The following IGFN1 variants were observed in gnomAD, a reference collection of about 807,000 sequenced individuals.
IGFN1 encodes the protein immunoglobulin-like and fibronectin type III domain-containing protein 1.
In IGFN1, 253 loss-of-function variants were observed where a neutral mutation model predicts 289.5. That is an observed-to-expected ratio of 0.87 (90% CI 0.79 to 0.97). The LOEUF (loss-of-function observed/expected upper bound fraction) is 0.97, where lower values mean the gene tolerates loss of function less well. IGFN1 is among the 50% of genes least tolerant of loss of function. The pLI is 0.00. For synonymous variants in IGFN1, 1,706 were observed against 1,788.5 expected, an observed-to-expected ratio of 0.95 and a Z score of 1.16; for missense variants, 4,470 against 4,686.1, an observed-to-expected ratio of 0.95 and a Z score of 1.35.
At chr1:201,204,591 G>A (rs2102330065) in intron 10 of IGFN1, among the ~76,000 whole-genome samples, 1 of 152,374 alleles carries the variant, frequency 6.6e-6, no homozygotes, top group South Asian at 2.1e-4. Context: ...TGGAAAGCCT[G>A]AAAACAGTGC....
At position 201,210,846 on chromosome 1, in the gene IGFN1, G is replaced by T; in HGVS notation, c.5953G>T (p.Gly1985Trp). 1 of 1,535,318 alleles carries T rather than the reference G, an allele frequency of 6.5e-7. No homozygotes were observed. Among genetic ancestry groups the T allele is most frequent in the Non-Finnish European group, 8.7e-7 (1 of 1,146,390 alleles). Residue 1985 changes from glycine to tryptophan, a missense_variant, in exon 12 of 24, where the codon GGG (glycine) becomes TGG (tryptophan). This residue lies in a region of IGFN1 where 108 missense variants were observed against 128.7 expected (regional missense o/e 0.84). Coordinates refer to ENST00000335211, the MANE Select transcript of IGFN1 (RefSeq NM_001164586.2). ...TAAGGAAGGTTTCAGGGATGGTTTA[G>T]GGGGTTCTGAGGAAATGGGGTCAAT... is the stretch of plus-strand genomic sequence containing the variant. ...GSKEGFRDGL[G>W]GSEEMGSMDE...
chr1:201,194,227 C>G lies in IGFN1; in HGVS notation c.81C>G (p.Ser27Arg), dbSNP rs1243151241. The G allele has an allele frequency of 6.4e-7, 1 of 1,551,622 alleles. No individual in the cohort carries two copies. The highest frequency in any genetic ancestry group is 2.0e-5 in the Admixed American group (1 of 51,012). ...TGGAGGAGATCCCTGAAGGCTGCAGCACGCCGGACTTTGAGCAGAAGCCCG... is the reference window on the plus strand; with the variant it reads ...TGGAGGAGATCCCTGAAGGCTGCAGGACGCCGGACTTTGAGCAGAAGCCCG... Reference protein sequence around the residue: ...QLVEEIPEGCSTPDFEQKPVT... With the variant: ...QLVEEIPEGCRTPDFEQKPVT... The change falls in exon 3 of 24, where the codon AGC (serine) becomes AGG (arginine). Residue 27 changes from serine to arginine, a missense_variant. By Grantham distance (110) the Ser-to-Arg change is moderately radical. This residue lies in a region of IGFN1 where 2,011 missense variants were observed against 1,953.4 expected (regional missense o/e 1.03). Coordinates refer to ENST00000335211, the MANE Select transcript of IGFN1 (RefSeq NM_001164586.2).
At position 201,225,883 on chromosome 1, in the gene IGFN1, G is replaced by A; in HGVS notation, c.10546G>A (p.Ala3516Thr). The part of the protein sequence containing the change: ...LQENVPGTVT[A>T]EWEPSPDEAQ... ...GGAGAACGTGCCTGGGACGGTGACGGCCGAGTGGGAACCCTCTCCTGACGA... is the reference window on the plus strand; with the variant it reads ...GGAGAACGTGCCTGGGACGGTGACGACCGAGTGGGAACCCTCTCCTGACGA... The change falls in exon 22 of 24, where the codon GCC becomes ACC. Residue 3516 changes from alanine to threonine, a missense_variant. Ala to Thr is a moderately conservative substitution (Grantham distance 58). Coordinates refer to ENST00000335211, the MANE Select transcript of IGFN1 (RefSeq NM_001164586.2). 6.2e-7 allele frequency: 1 copy of A among 1,612,926 alleles called. No individual in the cohort carries two copies. Among genetic ancestry groups the A allele is most frequent in the Non-Finnish European group, 8.5e-7 (1 of 1,179,650 alleles).
rs963275298 is a variant in IGFN1, at chr1:201,220,252, G to A, written c.9899-1192G>A. Among the ~76,000 whole-genome samples, 6 of 151,156 alleles carry A rather than the reference G, an allele frequency of 4.0e-5. No individual in the cohort carries two copies. In the East Asian group the frequency reaches 7.8e-4, roughly 20 times the overall value. On this transcript the variant is annotated intron_variant, in intron 18 of 23. Coordinates refer to ENST00000335211, the MANE Select transcript of IGFN1 (RefSeq NM_001164586.2). ...GGCTGGAATGCAGTGATGCAATCTC[G>A]GCTCACTGCAGCCTTGAACTCCTGG...
Position 201,211,942 on chromosome 1 carries a change from C to A in IGFN1, c.7049C>A (p.Thr2350Lys). ...YRGGSGGSGETGPEGKMGYGD... is the reference protein window; with the variant it reads ...YRGGSGGSGEKGPEGKMGYGD... The stretch of plus-strand genomic sequence containing the variant: ...GGAGGCTCAGGAGGATCTGGGGAAA[C>A]GGGACCAGAGGGTAAGATGGGTTAT... The change falls in exon 12 of 24, where the codon ACG (threonine) becomes AAG (lysine). Residue 2350 changes from threonine (T) to lysine (K), a missense_variant. By Grantham distance (78) the Thr-to-Lys change is moderately conservative. Coordinates refer to ENST00000335211, the MANE Select transcript of IGFN1 (RefSeq NM_001164586.2). The A allele has an allele frequency of 1.3e-6, 2 of 1,527,562 alleles. No homozygotes were observed. The highest frequency in any genetic ancestry group is 1.2e-5 in the South Asian group (1 of 82,396). 94.6% of individuals were successfully genotyped at this position (1,527,562 alleles called of 1,614,324 possible).
At chr1:201,226,160 G>A in intron 22 of IGFN1, 37 bp downstream of exon 22, 1 of 1,533,502 alleles carries the variant, frequency 6.5e-7, no homozygotes, top group Non-Finnish European at 8.8e-7. Context: ...AGGCAGGGTG[G>A]GGGTTGCGCT....
chr1:201,195,173 A>G (rs1183278050), intron 3 of IGFN1, among the ~76,000 whole-genome samples: 1 of 149,732 alleles, frequency 6.7e-6, no homozygotes, highest in African/African-American at 2.5e-5. Context: ...TTTTTTTGAG[A>G]TGGAGTCTCG....
rs1667642565 is a variant in IGFN1 at position 201,209,858 on chromosome 1, T to A, written c.4965T>A (p.Gly1655=). Residue 1655 remains glycine (G), a synonymous_variant, in exon 12 of 24, where the codon GGT becomes GGA. Transcript: ENST00000335211. ...GAATAGGTTCAGGGAGCAAGGCAGG[T>A]TTTAGGGATGGTTTAGGGAGTTCTG... ...PKGIGSGSKA[G]FRDGLGSSGE... is the part of the protein sequence containing the mutation. The A allele has an allele frequency of 6.8e-7, 1 of 1,478,368 alleles. No individual in the cohort carries two copies. 91.6% of individuals were successfully genotyped at this position (1,478,368 alleles called of 1,614,324 possible).
At chr1:201,225,257 C>T (rs2102373633) in intron 21 of IGFN1, among the ~76,000 whole-genome samples, 1 of 152,346 alleles carries the variant, frequency 6.6e-6, no homozygotes, top group Admixed American at 6.5e-5. Context: ...TGGCTCCACA[C>T]AGCCCCTGCC....
chr1:201,204,990 A>G (rs1667336596), intron 10 of IGFN1, 92 bp from the exon 11 acceptor site: 1 of 1,330,014 alleles, frequency 7.5e-7, no homozygotes, highest in African/African-American at 1.5e-5. Context: ...GAGCTGGTCT[A>G]AGCCAGGATT....
At position 201,209,511 on chromosome 1, in the gene IGFN1, A is replaced by G. The variant is rs1667608100; in HGVS notation, c.4618A>G (p.Ile1540Val). The change falls in exon 12 of 24, where the codon ATA becomes GTA. Residue 1540 changes from isoleucine (I) to valine (V), a missense_variant. By Grantham distance (29) the Ile-to-Val change is conservative. Coordinates refer to ENST00000335211, the MANE Select transcript of IGFN1 (RefSeq NM_001164586.2). ...YRKDLGASEA[I>V]GSGSKAGFTD... ...GAAGGATTTGGGGGCTTCTGAGGCAATAGGTTCAGGGAGTAAGGCAGGTTT... is the reference window on the plus strand; with the variant it reads ...GAAGGATTTGGGGGCTTCTGAGGCAGTAGGTTCAGGGAGTAAGGCAGGTTT... The G allele has an allele frequency of 3.3e-6, 5 of 1,534,480 alleles. No homozygotes were observed. Among genetic ancestry groups the G allele is most frequent in the Non-Finnish European group, 4.4e-6 (5 of 1,145,406 alleles).
chr1:201,223,905 T>C (rs1653913425), intron 20 of IGFN1, among the ~76,000 whole-genome samples: 1 of 152,250 alleles, frequency 6.6e-6, no homozygotes, highest in Non-Finnish European at 1.5e-5. Flanking sequence ...TGACTTGTTC[T>C]TAACCACAAT....
intron 9 of IGFN1, 84 bp from the exon 10 acceptor site, chr1:201,203,654 T>C (rs1667257117): frequency 7.5e-7 from 1 of 1,328,428 alleles, no homozygotes; most frequent in African/African-American, 1.5e-5. Flanking sequence ...GGGAGAAAAC[T>C]GCTGGTTATA....
chr1:201,211,809 G>A lies in IGFN1; in HGVS notation c.6916G>A (p.Gly2306Ser). The A allele has an allele frequency of 6.5e-7, 1 of 1,536,740 alleles. No homozygotes were observed. Among genetic ancestry groups the A allele is most frequent in the Non-Finnish European group, 8.7e-7 (1 of 1,146,710 alleles). The change falls in exon 12 of 24, where the codon GGT becomes AGT. Residue 2306 changes from glycine (G) to serine (S), a missense_variant. Transcript: ENST00000335211. ...NPLGSEAGSR[G>S]SLEDSGYILS... Reference sequence around the variant, plus strand: ...ATTAGGGAGCGAGGCAGGTTCTAGGGGTAGTTTGGAGGATTCTGGGTACAT... The same window carrying A: ...ATTAGGGAGCGAGGCAGGTTCTAGGAGTAGTTTGGAGGATTCTGGGTACAT...
Position 201,216,464 on chromosome 1 carries a change from T to TC in IGFN1, c.9311dup (p.Gln3105ThrfsTer11), listed in dbSNP as rs1016960893. On this transcript the variant is annotated frameshift_variant, in exon 16 of 24. Transcript: ENST00000335211. LOFTEE classifies it high-confidence loss of function. ...TCTGTGGGTCCCCAGACAAGCCTGATCCCCCACAAGGCCCCATGGAGGTTC... is the reference window on the plus strand; with the variant it reads ...TCTGTGGGTCCCCAGACAAGCCTGATCCCCCCACAAGGCCCCATGGAGGTTC... 1.9e-6 allele frequency: 3 copies of TC among 1,567,402 alleles called. No homozygotes were observed. The highest frequency in any genetic ancestry group is 3.6e-5 in the Admixed American group (2 of 55,476).
chr1:201,206,359 G>C lies in IGFN1; in HGVS notation c.1466G>C (p.Gly489Ala). The change falls in exon 12 of 24, where the codon GGC (glycine) becomes GCC (alanine). Residue 489 changes from glycine (G) to alanine (A), a missense_variant. Around this residue, in one of 8 missense-constraint regions of IGFN1, gnomAD observed 2,011 missense variants for 1,953.4 expected, o/e 1.03. Transcript: ENST00000335211. ...ADSAWGPGQE[G>A]EGFPVAEGSR... ...TCAGCCTGGGGCCCTGGACAGGAGG[G>C]CGAGGGCTTTCCAGTAGCAGAGGGA... is the stretch of plus-strand genomic sequence containing the variant. 1 of 1,550,520 alleles carries C rather than the reference G, an allele frequency of 6.4e-7. No individual in the cohort carries two copies. The highest frequency in any genetic ancestry group is 1.2e-5 in the South Asian group (1 of 84,056).
intron 17 of IGFN1, 119 bp from the exon 18 acceptor site, chr1:201,218,411 G>A: frequency 4.4e-6 from 4 of 908,096 alleles, no homozygotes; most frequent in Non-Finnish European, 6.6e-6. Flanking sequence ...GTGGAGGGAT[G>A]TAGGGAGGGA....
chr1:201,208,836 G>A lies in IGFN1; in HGVS notation c.3943G>A (p.Ala1315Thr). 6.5e-6 allele frequency: 10 copies of A among 1,536,766 alleles called. No individual in the cohort carries two copies. The highest frequency in any genetic ancestry group is 8.7e-6 in the Non-Finnish European group (10 of 1,146,742). Residue 1315 changes from alanine to threonine, a missense_variant, in exon 12 of 24, where the codon GCA becomes ACA. Ala to Thr is a moderately conservative substitution (Grantham distance 58). This residue lies in a region of IGFN1 where 2,011 missense variants were observed against 1,953.4 expected (regional missense o/e 1.03). Transcript: ENST00000335211. ...DYRDGVGGSG[A>T]MGSMDEAGYR... ...TAGGGATGGTGTAGGGGGTTCTGGGGCAATGGGGTCAATGGATGAAGCAGG... is the reference window on the plus strand; with the variant it reads ...TAGGGATGGTGTAGGGGGTTCTGGGACAATGGGGTCAATGGATGAAGCAGG...
chr1:201,212,762 T>C lies in IGFN1; in HGVS notation c.7869T>C (p.Asn2623=). The C allele has an allele frequency of 6.4e-7, 1 of 1,551,516 alleles. No homozygotes were observed. The highest frequency in any genetic ancestry group is 1.2e-5 in the South Asian group (1 of 84,046). ...CTGCTGATAGACAAGGGACGAGCAATGCTTGGGCTCCTGATTGGGAAAACC... is the reference window on the plus strand; with the variant it reads ...CTGCTGATAGACAAGGGACGAGCAACGCTTGGGCTCCTGATTGGGAAAACC... ...SGPADRQGTS[N]AWAPDWENQG... is the part of the protein sequence containing the mutation. The change falls in exon 12 of 24, where the codon AAT becomes AAC. Residue 2623 remains asparagine (N), a synonymous_variant. Coordinates refer to ENST00000335211, the MANE Select transcript of IGFN1 (RefSeq NM_001164586.2).
Sources: allele counts gnomAD v4.1 joint callset (sites outside exome capture counted in the v4.1 genomes callset), GRCh38; gene constraint gnomAD v4.1.1; regional missense constraint gnomAD v4.1.1; transcripts MANE v1.5; gene names NCBI Gene and HGNC (gene_info 2026-07-23, HGNC 2026-07-21).